PTPRD: variants seen among roughly 807,000 people sequenced by gnomAD.
PTPRD encodes the protein protein tyrosine phosphatase receptor type D.
In PTPRD, 34 loss-of-function variants were observed where a neutral mutation model predicts 214.5. The observed-to-expected ratio is 0.16, with a 90% CI of 0.12 to 0.21. PTPRD has a LOEUF of 0.21. PTPRD is among the 10% of genes least tolerant of loss of function. PTPRD has a pLI of 1.00. For missense variants in PTPRD, 2,545 were observed against 2,398.7 expected (o/e 1.06, Z -1.27); for synonymous variants, 1,128 against 845.7 (o/e 1.33, Z -5.79).
At chr9:10,153,057 C>T (rs958017578) in intron 3 of PTPRD, among the ~76,000 whole-genome samples, 1 of 152,070 alleles carries the variant, frequency 6.6e-6, no homozygotes, top group African/African-American at 2.4e-5. Flanking sequence ...TAAAAGTTTC[C>T]ATTAGACAGA....
intron 34 of PTPRD, among the ~76,000 whole-genome samples, chr9:8,449,348 G>C (rs1389969447): frequency 6.7e-6 from 1 of 149,720 alleles, no homozygotes; most frequent in Non-Finnish European, 1.5e-5. Context: ...TGGGATGAAA[G>C]ATGTGTACAG....
At chr9:9,111,573 G>C (rs562943765) in intron 10 of PTPRD, among the ~76,000 whole-genome samples, 159 of 152,246 alleles carry the variant, frequency 1.0e-3, no homozygotes, top group African/African-American at 3.6e-3. Context: ...GCCAAAAGTA[G>C]TAACTATCAG....
chr9:8,976,706 C>G (rs2154337164), intron 11 of PTPRD, among the ~76,000 whole-genome samples: 1 of 152,164 alleles, frequency 6.6e-6, no homozygotes, highest in East Asian at 1.9e-4. Flanking sequence ...TCCTTACATC[C>G]TCTCTACAGT....
chr9:9,067,547 T>G (rs1046694045), intron 10 of PTPRD, among the ~76,000 whole-genome samples: 7 of 152,228 alleles, frequency 4.6e-5, no homozygotes, highest in Non-Finnish European at 1.0e-4. Flanking sequence ...GGTACTTATC[T>G]TCTATATATT....
chr9:10,607,543 T>C (rs568562168), intron 2 of PTPRD, among the ~76,000 whole-genome samples: 1 of 151,960 alleles, frequency 6.6e-6, no homozygotes, highest in East Asian at 1.9e-4. Context: ...TGGCTATATT[T>C]TACAATTTAA....
chr9:10,313,354 A>G (rs756017456), intron 3 of PTPRD, among the ~76,000 whole-genome samples: 6 of 150,498 alleles, frequency 4.0e-5, no homozygotes, highest in Non-Finnish European at 7.4e-5. Context: ...AAAATAAACA[A>G]TATGTACAAA....
chr9:9,667,037 T>C (rs2096737034), intron 7 of PTPRD, among the ~76,000 whole-genome samples: 1 of 152,078 alleles, frequency 6.6e-6, no homozygotes, highest in Non-Finnish European at 1.5e-5. Flanking sequence ...AGTGCAAACA[T>C]AAAAGGATAC....
chr9:10,114,154 G>A (rs1443165186), intron 3 of PTPRD, among the ~76,000 whole-genome samples: 2 of 152,182 alleles, frequency 1.3e-5, no homozygotes, highest in East Asian at 3.9e-4. Context: ...GAACAGCAGT[G>A]TGCCATTATA....
intron 8 of PTPRD, among the ~76,000 whole-genome samples, chr9:9,445,212 A>G (rs559597356): frequency 2.0e-5 from 3 of 152,308 alleles, no homozygotes; most frequent in South Asian, 2.1e-4. Context: ...ATCTGTCTCT[A>G]TGAGAATCCT....
At chr9:8,421,308 TTTCTC>T (rs2094342818) in intron 35 of PTPRD, among the ~76,000 whole-genome samples, 1 of 152,048 alleles carries the variant, frequency 6.6e-6, no homozygotes, top group Non-Finnish European at 1.5e-5. Context: ...CTTTCTGGCT[TTTCTC>T]TTCCTTCTTT....
intron 11 of PTPRD, among the ~76,000 whole-genome samples, chr9:8,801,855 A>G (rs1375070539): frequency 6.6e-6 from 1 of 152,188 alleles, no homozygotes. Context: ...CCTTAATGGT[A>G]TTACCACAGT....
chr9:9,445,674 A>T (rs2090146715), intron 8 of PTPRD, among the ~76,000 whole-genome samples: 1 of 152,176 alleles, frequency 6.6e-6, no homozygotes, highest in African/African-American at 2.4e-5. Flanking sequence ...CTATCACGAG[A>T]ACAGCGGCAT....
intron 7 of PTPRD, among the ~76,000 whole-genome samples, chr9:9,676,233 G>A (rs918843257): frequency 2.6e-5 from 4 of 151,654 alleles, no homozygotes; most frequent in African/African-American, 4.8e-5. Context: ...CCAGTAACTC[G>A]TCATTTAACG....
chr9:8,588,006 G>A (rs2093804987), intron 14 of PTPRD, among the ~76,000 whole-genome samples: 1 of 152,186 alleles, frequency 6.6e-6, no homozygotes, highest in Admixed American at 6.5e-5. Context: ...CAGCCAATGG[G>A]CAATTCTCCT....
intron 3 of PTPRD, among the ~76,000 whole-genome samples, chr9:10,282,606 G>A (rs2095176027): frequency 6.6e-6 from 1 of 152,146 alleles, no homozygotes. Context: ...TCTGAAGGCT[G>A]TGGCTCTCAA....
intron 7 of PTPRD, among the ~76,000 whole-genome samples, chr9:9,686,621 C>G (rs1374040777): frequency 6.6e-6 from 1 of 151,532 alleles, no homozygotes; most frequent in African/African-American, 2.4e-5. Context: ...TAAATTTTAT[C>G]TAGAAATTGG....
At chr9:9,064,937 A>G (rs2099723422) in intron 10 of PTPRD, among the ~76,000 whole-genome samples, 1 of 152,220 alleles carries the variant, frequency 6.6e-6, no homozygotes, top group Non-Finnish European at 1.5e-5. Flanking sequence ...GGACAGAACT[A>G]TGGAGGAGTC....
intron 10 of PTPRD, among the ~76,000 whole-genome samples, chr9:9,078,323 A>T (rs1036984609): frequency 6.6e-6 from 1 of 152,098 alleles, no homozygotes; most frequent in African/African-American, 2.4e-5. Context: ...ATCATGGCCC[A>T]TCCTTAATTA....
intron 4 of PTPRD, among the ~76,000 whole-genome samples, chr9:9,943,384 T>C (rs1188081537): frequency 6.6e-6 from 1 of 152,130 alleles, no homozygotes; most frequent in Non-Finnish European, 1.5e-5. Flanking sequence ...ATTCAATGTA[T>C]CACAACGTCA....
Sources: gnomAD v4.1 joint callset for allele counts (sites outside exome capture counted in the v4.1 genomes callset) on GRCh38, gnomAD v4.1.1 for gene constraint, MANE v1.5 for transcripts, NCBI Gene and HGNC (gene_info 2026-07-23, HGNC 2026-07-21) for gene names.